The following BIRC6 variants were observed in gnomAD, a reference collection of about 807,000 sequenced individuals.
BIRC6 encodes the protein dual E2 ubiquitin-conjugating enzyme/E3 ubiquitin-protein ligase BIRC6.
A neutral mutation model predicts 503.3 loss-of-function variants in BIRC6; 98 were observed. The ratio of observed to expected loss-of-function variants is 0.19; its 90% CI spans 0.17 to 0.23. The LOEUF (loss-of-function observed/expected upper bound fraction) is 0.23. Ranked by LOEUF, BIRC6 falls within the 10% of genes least tolerant of loss-of-function variation. The pLI, the probability that BIRC6 is intolerant of heterozygous loss-of-function variation, is 1.00. For missense variants in BIRC6, 5,360 were observed against 5,806.0 expected, an observed-to-expected ratio of 0.92 and a Z score of 2.50; for synonymous variants, 2,240 against 2,078.7, an observed-to-expected ratio of 1.08 and a Z score of -2.11.
chr2:32,477,801 C>T (rs2049937123), intron 35 of BIRC6, among the ~76,000 whole-genome samples: 1 of 149,762 alleles, frequency 6.7e-6, no homozygotes, highest in South Asian at 2.1e-4. Context: ...TGTTTTTAGT[C>T]AATTTTCATT....
chr2:32,442,941 C>T (rs1055920419), intron 19 of BIRC6, among the ~76,000 whole-genome samples: 2 of 152,080 alleles, frequency 1.3e-5, no homozygotes, highest in Non-Finnish European at 2.9e-5. Flanking sequence ...GAAACTGTAG[C>T]TAGTACTGAG....
intron 65 of BIRC6, among the ~76,000 whole-genome samples, chr2:32,550,571 T>A (rs1353839879): frequency 1.1e-4 from 16 of 152,114 alleles, no homozygotes; most frequent in Non-Finnish European, 2.9e-5. Flanking sequence ...TTAGATTATA[T>A]AGAACAATTG....
chr2:32,431,322 A>G (rs752293683), intron 12 of BIRC6, among the ~76,000 whole-genome samples: 8 of 148,230 alleles, frequency 5.4e-5, no homozygotes, highest in Non-Finnish European at 1.2e-4. Context: ...CAGCCTCTCA[A>G]GTAGCTGGGA....
chr2:32,420,476 C>T (rs368076786), intron 10 of BIRC6, among the ~76,000 whole-genome samples: 3 of 151,860 alleles, frequency 2.0e-5, no homozygotes, highest in South Asian at 4.2e-4. Flanking sequence ...GAAGTTTTAG[C>T]GTAAAGAATT....
chr2:32,369,410 G>T (rs888786137), intron 1 of BIRC6, among the ~76,000 whole-genome samples: 2 of 151,590 alleles, frequency 1.3e-5, no homozygotes, highest in Non-Finnish European at 2.9e-5. Context: ...TGGCACCTTT[G>T]TGCAGCAGTA....
intron 66 of BIRC6, among the ~76,000 whole-genome samples, chr2:32,585,806 T>C (rs963534476): frequency 1.3e-5 from 2 of 152,220 alleles, no homozygotes; most frequent in African/African-American, 2.4e-5. Context: ...CGTATAGTTA[T>C]ATAAGAATAT....
intron 32 of BIRC6, 80 bp from the exon 33 acceptor site, chr2:32,473,032 T>C: frequency 7.9e-7 from 1 of 1,261,458 alleles, no homozygotes. Flanking sequence ...TATAACTGTG[T>C]TTTTTGTTTT....
Position 32,602,689 on chromosome 2 carries a change from T to A in BIRC6, c.13993-317T>A, listed in dbSNP as rs2062145938. On this transcript the variant is annotated intron_variant, in intron 70 of 73. Transcript: ENST00000421745. ...TATTGAAATACCACACTATACCCCATAAATATGTACAACTATGTGCTAATT... is the reference window on the plus strand; with the variant it reads ...TATTGAAATACCACACTATACCCCAAAAATATGTACAACTATGTGCTAATT... 3 of 251,588 alleles carry A rather than the reference T, an allele frequency of 1.2e-5. No homozygotes were observed. The South Asian group carries it at 3.7e-4, about 31-fold the overall frequency. The allele number at this position is 251,588 out of a possible 1,614,324, so 15.6% of individuals were successfully genotyped here.
At chr2:32,584,136 G>A (rs2060873807) in intron 66 of BIRC6, among the ~76,000 whole-genome samples, 1 of 152,192 alleles carries the variant, frequency 6.6e-6, no homozygotes, top group African/African-American at 2.4e-5. Flanking sequence ...ATGTTGGGAG[G>A]TTGAGGTGAG....
At chr2:32,462,770 A>G (rs992583361) in intron 23 of BIRC6, among the ~76,000 whole-genome samples, 4 of 152,128 alleles carry the variant, frequency 2.6e-5, no homozygotes, top group African/African-American at 2.4e-5. Context: ...AGCCTGGCCA[A>G]TATGGCGAGA....
At chr2:32,469,315 A>G in intron 29 of BIRC6, 80 bp from the exon 30 acceptor site, 1 of 1,003,368 alleles carries the variant, frequency 1.0e-6, no homozygotes, top group Non-Finnish European at 1.4e-6. Flanking sequence ...GAAAAGAGGA[A>G]AGTGTATTTA....
intron 61 of BIRC6, among the ~76,000 whole-genome samples, chr2:32,539,066 A>AT (rs2150184957): frequency 1.3e-5 from 2 of 152,318 alleles, no homozygotes; most frequent in South Asian, 4.1e-4. Flanking sequence ...TGCTACCCCT[A>AT]TTTTTTAATG....
At chr2:32,489,704 T>C (rs1428572501) in intron 42 of BIRC6, among the ~76,000 whole-genome samples, 1 of 152,114 alleles carries the variant, frequency 6.6e-6, no homozygotes, top group Non-Finnish European at 1.5e-5. Context: ...TATCTGTTAC[T>C]GTTTTCAGTT....
Position 32,504,988 on chromosome 2 carries a change from T to G in BIRC6, c.9500-17T>G. 2 of 1,597,294 alleles carry G rather than the reference T, an allele frequency of 1.3e-6. No individual in the cohort carries two copies. The highest frequency in any genetic ancestry group is 1.7e-6 in the Non-Finnish European group (2 of 1,168,278). ...CTTTTGCAAGTTCTTATAATTTATG[T>G]AAAATATCTTCTCTAGGTACAATCA... On this transcript the variant is annotated splice_polypyrimidine_tract_variant and intron_variant, in intron 49 of 73. Coordinates refer to ENST00000421745, the MANE Select transcript of BIRC6 (RefSeq NM_016252.4).
rs1237445164 is a variant in BIRC6, at chr2:32,428,523, T to C, written c.2873-623T>C. Among the ~76,000 whole-genome samples, 3 of 152,224 alleles carry C rather than the reference T, an allele frequency of 2.0e-5. No individual in the cohort carries two copies. The East Asian group carries it at 5.8e-4, about 29-fold the overall frequency. ...TAAATTACAGTTTTGTCTAGCTTTA[T>C]AGTTGCCTTTCAGGAAGGGGATTTA... On this transcript the variant is annotated intron_variant, in intron 10 of 73. Transcript: ENST00000421745.
At chr2:32,407,497 G>A (rs1166954446) in intron 9 of BIRC6, among the ~76,000 whole-genome samples, 4 of 150,230 alleles carry the variant, frequency 2.7e-5, no homozygotes, top group African/African-American at 9.8e-5. Context: ...CATATAAAGT[G>A]TAGTGCCTGG....
Position 32,547,901 on chromosome 2 carries a change from T to C in BIRC6, c.12862T>C (p.Tyr4288His), listed in dbSNP as rs1325010283. 2.5e-6 allele frequency: 4 copies of C among 1,613,364 alleles called. No homozygotes were observed. The highest frequency in any genetic ancestry group is 3.4e-6 in the Non-Finnish European group (4 of 1,179,634). The change falls in exon 64 of 74, where the codon TAT becomes CAT. Residue 4288 changes from tyrosine to histidine, a missense_variant. Coordinates refer to ENST00000421745, the MANE Select transcript of BIRC6 (RefSeq NM_016252.4). ...NPTSTEEQQL[Y>H]WAKGTGFGTG... ...TACATCAACAGAAGAACAACAGTTA[T>C]ATTGGGCCAAAGGGACTGGCTTTGG...
chr2:32,465,660 T>A (rs2048464801), intron 26 of BIRC6, among the ~76,000 whole-genome samples: 1 of 152,296 alleles, frequency 6.6e-6, no homozygotes, highest in African/African-American at 2.4e-5. Context: ...ATGCTTTCAA[T>A]CACAACATAT....
chr2:32,429,056 G>A, intron 10 of BIRC6, 90 bp from the exon 11 acceptor site: 5 of 1,091,566 alleles, frequency 4.6e-6, no homozygotes, highest in South Asian at 1.7e-5. Flanking sequence ...CCTATGAAGT[G>A]ACATTCAGTT....
Sources: allele counts gnomAD v4.1 joint callset (sites outside exome capture counted in the v4.1 genomes callset), GRCh38; gene constraint gnomAD v4.1.1; transcripts MANE v1.5; gene names NCBI Gene and HGNC (gene_info 2026-07-23, HGNC 2026-07-21).